Variants in SDK1 observed in about 807,000 individuals in gnomAD.
SDK1 encodes protein sidekick-1.
In SDK1, 157 loss-of-function variants were observed where a neutral mutation model predicts 245.5. That is an observed-to-expected ratio of 0.64 (90% CI 0.56 to 0.73). The LOEUF (loss-of-function observed/expected upper bound fraction) is 0.73, where lower values mean the gene tolerates loss of function less well. Among genes scored for constraint, SDK1 ranks in the 30% least tolerant of loss-of-function variants. The pLI, the probability that SDK1 is intolerant of heterozygous loss-of-function variation, is 0.00. For missense variants in SDK1, 3,583 were observed against 3,002.3 expected (o/e 1.19, Z -4.52); for synonymous variants, 1,647 against 1,278.5 (o/e 1.29, Z -6.15).
At position 3,547,802 on chromosome 7, in the gene SDK1, C is replaced by T. The variant is rs184104092; in HGVS notation, c.299-71278C>T. Among the ~76,000 whole-genome samples the T allele has an allele frequency of 2.4e-3, 368 of 152,312 alleles. 3 individuals are homozygous for T. Among genetic ancestry groups the T allele is most frequent in the South Asian group, 0.018 (86 of 4,824 alleles). On this transcript the variant is annotated intron_variant, in intron 1 of 44. Transcript: ENST00000404826. ...AGATGTGTGCACACTTCATTACACT[C>T]TTAACAGGCAGATACCCGTCAGCCT...
At chr7:3,586,901 G>C (rs1237504120) in intron 1 of SDK1, among the ~76,000 whole-genome samples, 1 of 152,270 alleles carries the variant, frequency 6.6e-6, no homozygotes, top group Non-Finnish European at 1.5e-5. Context: ...GTGAGAGCCA[G>C]CGTATTAAGG....
chr7:3,550,908 G>A (rs1391933020), intron 1 of SDK1, among the ~76,000 whole-genome samples: 2 of 152,134 alleles, frequency 1.3e-5, no homozygotes, highest in African/African-American at 4.8e-5. Context: ...TGAAATTAGT[G>A]TATTACTTTA....
chr7:3,370,558 G>C (rs1021030500), intron 1 of SDK1, among the ~76,000 whole-genome samples: 1 of 152,192 alleles, frequency 6.6e-6, no homozygotes. Flanking sequence ...GTAACGTGGT[G>C]GTGGACTACT....
At position 3,951,556 on chromosome 7, in the gene SDK1, G is replaced by C. The variant is rs149694834; in HGVS notation, c.960-174G>C. ...CTTGAGCAGAATGCATCGTCAATGC[G>C]TGCTGGGAGGGAGTAGAGTTACATC... On this transcript the variant is annotated intron_variant, in intron 6 of 44. Transcript: ENST00000404826. 2.6e-5 allele frequency among the ~76,000 whole-genome samples: 4 copies of C among 152,312 alleles called. No individual in the cohort carries two copies. In the East Asian group the frequency reaches 5.8e-4, roughly 22 times the overall value.
rs1182039953 is a variant in SDK1 at position 4,175,802 on chromosome 7, G to C, written c.4964G>C (p.Ser1655Thr). The C allele has an allele frequency of 6.2e-7, 1 of 1,613,902 alleles. No individual in the cohort carries two copies. The highest frequency in any genetic ancestry group is 8.5e-7 in the Non-Finnish European group (1 of 1,180,030). ...CAAAGCAGCTTCAAGACGGTGAACA[G>C]CAGCTCCACATCGACGATGTGTGAA... ...TAQSSFKTVN[S>T]SSTSTMCELT... is the part of the protein sequence containing the mutation. The change falls in exon 34 of 45, where the codon AGC becomes ACC. Residue 1655 changes from serine to threonine, a missense_variant. By Grantham distance (58) the Ser-to-Thr change is moderately conservative. Transcript: ENST00000404826.
chr7:3,781,572 C>G (rs1190277046), intron 4 of SDK1, among the ~76,000 whole-genome samples: 1 of 152,028 alleles, frequency 6.6e-6, no homozygotes, highest in East Asian at 1.9e-4. Context: ...TAGTAGACCC[C>G]AAAGAAATGG....
intron 4 of SDK1, among the ~76,000 whole-genome samples, chr7:3,658,620 T>TC (rs1307464450): frequency 6.8e-6 from 1 of 147,306 alleles, no homozygotes; most frequent in East Asian, 2.0e-4. Flanking sequence ...TTTTTTTTTT[T>TC]TTTTTTTTTG....
chr7:4,100,447 C>T (rs1281372947), intron 22 of SDK1, among the ~76,000 whole-genome samples: 2 of 152,176 alleles, frequency 1.3e-5, no homozygotes, highest in Non-Finnish European at 2.9e-5. Context: ...AGGCAGGCAC[C>T]AGGCGCTGTG....
chr7:3,551,702 C>G (rs1779419712), intron 1 of SDK1, among the ~76,000 whole-genome samples: 2 of 152,124 alleles, frequency 1.3e-5, no homozygotes, highest in East Asian at 3.9e-4. Flanking sequence ...TACAGACAGG[C>G]TCTCAGTGTG....
intron 1 of SDK1, among the ~76,000 whole-genome samples, chr7:3,451,828 A>G (rs1311160366): frequency 2.0e-5 from 3 of 152,178 alleles, no homozygotes; most frequent in East Asian, 1.9e-4. Flanking sequence ...TACTGGGCCA[A>G]TCAAACTAGT....
chr7:3,475,172 A>C (rs1409970112), intron 1 of SDK1, among the ~76,000 whole-genome samples: 1 of 152,180 alleles, frequency 6.6e-6, no homozygotes, highest in Admixed American at 6.5e-5. Context: ...GCTGATGACT[A>C]GTTAGTTCCA....
chr7:4,074,886 G>GTA (rs1240017364), intron 20 of SDK1, among the ~76,000 whole-genome samples: 4,472 of 48,052 alleles, frequency 0.093, 354 homozygotes, highest in East Asian at 0.14. Flanking sequence ...CTCTCTCTCT[G>GTA]TATATATATA....
At chr7:3,545,552 C>T (rs1476477536) in intron 1 of SDK1, among the ~76,000 whole-genome samples, 1 of 152,054 alleles carries the variant, frequency 6.6e-6, no homozygotes, top group African/African-American at 2.4e-5. Flanking sequence ...TGAATGTTTC[C>T]AGGACAAGGA....
intron 5 of SDK1, among the ~76,000 whole-genome samples, chr7:3,923,122 A>C (rs1379600696): frequency 6.6e-6 from 1 of 152,110 alleles, no homozygotes; most frequent in Admixed American, 6.5e-5. Context: ...TTCCATTTTC[A>C]TATTTACAGT....
chr7:4,165,049 T>C (rs1358049640), intron 32 of SDK1, among the ~76,000 whole-genome samples: 1 of 152,202 alleles, frequency 6.6e-6, no homozygotes, highest in African/African-American at 2.4e-5. Context: ...CCTTTTGTGT[T>C]TTTTGTTTTG....
In SDK1 at chr7:4,159,654, C is replaced by G. The variant is rs138874603; in HGVS notation, c.4729+1103C>G. ...GGGGTGGTCCAGGGCCCTAGTGAGC[C>G]CTGCTGGGCCCTGAGGAGCCGGGCT... On this transcript the variant is annotated intron_variant, in intron 31 of 44. Coordinates refer to ENST00000404826, the MANE Select transcript of SDK1 (RefSeq NM_152744.4). Among the ~76,000 whole-genome samples the G allele has an allele frequency of 3.3e-3, 503 of 152,332 alleles. 4 individuals carry two copies. The highest frequency in any genetic ancestry group is 0.012 in the African/African-American group (483 of 41,568).
intron 1 of SDK1, among the ~76,000 whole-genome samples, chr7:3,594,499 C>G (rs1298310738): frequency 2.0e-5 from 3 of 152,122 alleles, no homozygotes; most frequent in Non-Finnish European, 4.4e-5. Context: ...CGTATGGTAA[C>G]TTGATACCTA....
At chr7:3,583,508 C>T (rs1035785366) in intron 1 of SDK1, among the ~76,000 whole-genome samples, 6 of 152,158 alleles carry the variant, frequency 3.9e-5, no homozygotes, top group South Asian at 2.1e-4. Context: ...GTATTTAGAT[C>T]TTGAGAGGTT....
chr7:3,515,083 A>C (rs907306567), intron 1 of SDK1, among the ~76,000 whole-genome samples: 1 of 152,010 alleles, frequency 6.6e-6, no homozygotes, highest in Non-Finnish European at 1.5e-5. Flanking sequence ...TGCGGGTAGA[A>C]GGAGCAGGTG....
Sources: gnomAD v4.1 joint callset for allele counts (sites outside exome capture counted in the v4.1 genomes callset) on GRCh38, gnomAD v4.1.1 for gene constraint, MANE v1.5 for transcripts, NCBI Gene and HGNC (gene_info 2026-07-23, HGNC 2026-07-21) for gene names.